The following SMAD9 variants were observed in gnomAD, a reference collection of about 807,000 sequenced individuals.
SMAD9 encodes MAD homolog 9.
In SMAD9, 36 loss-of-function variants were observed where a neutral mutation model predicts 46.1. That is an observed-to-expected ratio of 0.78 (90% CI 0.60 to 1.03). SMAD9 has a LOEUF of 1.03. Ranked by LOEUF, SMAD9 falls within the 50% of genes least tolerant of loss-of-function variation. SMAD9 has a pLI of 0.00. For synonymous variants in SMAD9, 245 were observed against 237.1 expected (o/e 1.03, Z -0.31); for missense variants, 572 against 599.8 (o/e 0.95, Z 0.48).
chr13:36,897,616 AAAT>A (rs1353205673), intron 1 of SMAD9, among the ~76,000 whole-genome samples: 10 of 152,326 alleles, frequency 6.6e-5, no homozygotes, highest in African/African-American at 9.6e-5. Context: ...CCTAAATAAA[AAAT>A]AATAATGCAG....
chr13:36,896,322 A>G (rs962817110), intron 1 of SMAD9, among the ~76,000 whole-genome samples: 3 of 151,822 alleles, frequency 2.0e-5, no homozygotes, highest in African/African-American at 7.3e-5. Flanking sequence ...TTGTAGAGAC[A>G]AGGTCTCTTT....
intron 1 of SMAD9, among the ~76,000 whole-genome samples, chr13:36,895,987 T>G (rs1404746083): frequency 6.6e-6 from 1 of 152,186 alleles, no homozygotes; most frequent in Non-Finnish European, 1.5e-5. Flanking sequence ...AGAAGTAATG[T>G]GCAGTTACAA....
At chr13:36,866,073 C>T (rs970849023) in intron 4 of SMAD9, among the ~76,000 whole-genome samples, 4 of 152,150 alleles carry the variant, frequency 2.6e-5, no homozygotes, top group African/African-American at 4.8e-5. Flanking sequence ...AAAAAACTGT[C>T]GGCCCTAAAG....
intron 5 of SMAD9, among the ~76,000 whole-genome samples, chr13:36,855,266 A>G (rs1566013750): frequency 6.6e-6 from 1 of 151,614 alleles, no homozygotes; most frequent in South Asian, 2.1e-4. Flanking sequence ...AAAAAAAAAA[A>G]AAAAAAAAAG....
intron 3 of SMAD9, among the ~76,000 whole-genome samples, chr13:36,868,752 A>T (rs2058259938): frequency 6.6e-6 from 1 of 152,156 alleles, no homozygotes; most frequent in East Asian, 1.9e-4. Flanking sequence ...AAAATTAAAA[A>T]AAGGGGGACT....
At chr13:36,907,454 G>A (rs1426533183) in intron 1 of SMAD9, among the ~76,000 whole-genome samples, 2 of 152,188 alleles carry the variant, frequency 1.3e-5, no homozygotes, top group African/African-American at 4.8e-5. Flanking sequence ...GATTGCTTGA[G>A]GCCAGAAGTA....
chr13:36,848,905 GC>G, intron 6 of SMAD9, 86 bp from the exon 7 acceptor site: 1 of 1,354,050 alleles, frequency 7.4e-7, no homozygotes, highest in Non-Finnish European at 1.0e-6. Context: ...GGGGCACAGA[GC>G]CCACACCCCA....
intron 1 of SMAD9, among the ~76,000 whole-genome samples, chr13:36,887,938 G>A (rs1264048106): frequency 6.6e-6 from 1 of 152,148 alleles, no homozygotes; most frequent in Non-Finnish European, 1.5e-5. Flanking sequence ...AAGGTAGGAA[G>A]TAGCCACAGT....
chr13:36,911,573 A>G (rs554885142), intron 1 of SMAD9, among the ~76,000 whole-genome samples: 1 of 125,994 alleles, frequency 7.9e-6, no homozygotes, highest in African/African-American at 2.8e-5. Context: ...AATTTTATAG[A>G]TGTGTGTCTC....
chr13:36,882,189 T>C (rs2058408557), intron 1 of SMAD9, among the ~76,000 whole-genome samples: 1 of 151,818 alleles, frequency 6.6e-6, no homozygotes, highest in African/African-American at 2.4e-5. Flanking sequence ...AGTATAATAA[T>C]AATCATTTCA....
rs2058227161 is a variant in SMAD9, at chr13:36,865,734, T to G, written c.806A>C (p.Glu269Ala). ...NGDFRPVCYE[E>A]PQHWCSVAYY... is the part of the protein sequence containing the mutation. ...GGCGACCGAGCACCAGTGCTGGGGC[T>G]CCTCGTAACAAACTGGTCGAAAGTC... The change falls in exon 5 of 7, where the codon GAG becomes GCG. Residue 269 changes from glutamate (E) to alanine (A), a missense_variant. By Grantham distance (107) the Glu-to-Ala change is moderately radical (BLOSUM62 -1). Coordinates refer to ENST00000379826, the MANE Select transcript of SMAD9 (RefSeq NM_001127217.3). The G allele has an allele frequency of 6.2e-7, 1 of 1,614,084 alleles. No individual in the cohort carries two copies. The highest frequency in any genetic ancestry group is 1.3e-5 in the African/African-American group (1 of 75,042).
intron 1 of SMAD9, among the ~76,000 whole-genome samples, chr13:36,897,369 C>T (rs2058537256): frequency 6.6e-6 from 1 of 152,176 alleles, no homozygotes; most frequent in East Asian, 1.9e-4. Flanking sequence ...AAGCATTCTG[C>T]AACTTGCTTG....
chr13:36,913,064 A>G (rs1182756757), intron 1 of SMAD9, among the ~76,000 whole-genome samples: 1 of 152,108 alleles, frequency 6.6e-6, no homozygotes, highest in African/African-American at 2.4e-5. Context: ...ATGCTATGTA[A>G]ATGGTTTTTA....
intron 1 of SMAD9, among the ~76,000 whole-genome samples, chr13:36,919,433 G>A (rs1362140135): frequency 1.3e-5 from 2 of 152,118 alleles, no homozygotes; most frequent in African/African-American, 4.8e-5. Flanking sequence ...GCGCGAGCCC[G>A]GAGACACTTC....
chr13:36,879,877 T>C lies in SMAD9; in HGVS notation c.-186-2A>G. On this transcript the variant is annotated splice_acceptor_variant, in intron 1 of 6. Coordinates refer to ENST00000379826, the MANE Select transcript of SMAD9 (RefSeq NM_001127217.3). LOFTEE classifies it low-confidence loss of function (5UTR_SPLICE). ...AGCCCTTGAACAGGGTGGCCAACTC[T>C]GGAAAACACGACAAGACTTCAATTA... is the stretch of plus-strand genomic sequence containing the variant. The C allele has an allele frequency of 3.3e-6, 2 of 613,606 alleles. No individual in the cohort carries two copies. The highest frequency in any genetic ancestry group is 2.0e-5 in the South Asian group (1 of 51,074). The allele number at this position is 613,606 out of a possible 1,614,324, so 38.0% of individuals were successfully genotyped here.
At chr13:36,901,431 CTT>C (rs61512254) in intron 1 of SMAD9, among the ~76,000 whole-genome samples, 40 of 138,804 alleles carry the variant, frequency 2.9e-4, no homozygotes, top group Non-Finnish European at 4.4e-4. Context: ...TTTTTTGGGC[CTT>C]TTTTTTTTTT....
chr13:36,903,748 T>C (rs542924550), intron 1 of SMAD9, among the ~76,000 whole-genome samples: 10 of 152,126 alleles, frequency 6.6e-5, no homozygotes, highest in South Asian at 4.1e-4. Context: ...AGTGACCTTT[T>C]TAAAAACATT....
intron 2 of SMAD9, among the ~76,000 whole-genome samples, chr13:36,878,046 A>G (rs1417633843): frequency 6.6e-6 from 1 of 152,160 alleles, no homozygotes; most frequent in African/African-American, 2.4e-5. Context: ...CCACAGAAAC[A>G]CTCAATCTAA....
At chr13:36,875,044 TAGAG>T (rs754930166) in intron 2 of SMAD9, among the ~76,000 whole-genome samples, 6 of 151,834 alleles carry the variant, frequency 4.0e-5, no homozygotes, top group East Asian at 1.9e-4. Context: ...TTAGTAATAA[TAGAG>T]AGAAATATGA....
Sources: gnomAD v4.1 joint callset for allele counts (sites outside exome capture counted in the v4.1 genomes callset) on GRCh38, gnomAD v4.1.1 for gene constraint, MANE v1.5 for transcripts, NCBI Gene and HGNC (gene_info 2026-07-23, HGNC 2026-07-21) for gene names.